Variants in CEP20 observed in about 807,000 individuals in gnomAD.
CEP20 encodes the protein centrosomal protein 20, also known as FGFR1OP N-terminal like.
In CEP20, 18 loss-of-function variants were observed where a neutral mutation model predicts 20.0. The observed-to-expected ratio is 0.90, with a 90% CI of 0.62 to 1.34. The LOEUF (loss-of-function observed/expected upper bound fraction) is 1.34, where lower values mean the gene tolerates loss of function less well. Ranked by LOEUF, CEP20 falls within the 40% of genes most tolerant of loss-of-function variation. CEP20 has a pLI of 0.00. For missense variants in CEP20, 215 were observed against 201.6 expected, an observed-to-expected ratio of 1.07 and a Z score of -0.40; for synonymous variants, 77 against 73.7, an observed-to-expected ratio of 1.04 and a Z score of -0.23.
intron 4 of CEP20, among the ~76,000 whole-genome samples, chr16:15,868,009 T>C (rs80174415): frequency 0.032 from 4,739 of 147,124 alleles, 124 homozygotes; most frequent in Non-Finnish European, 0.044. Context: ...AAATCAGAAA[T>C]GTCTGGCATT....
intron 3 of CEP20, among the ~76,000 whole-genome samples, chr16:15,873,841 C>G (rs1277857867): frequency 6.6e-6 from 1 of 151,960 alleles, no homozygotes; most frequent in Non-Finnish European, 1.5e-5. Flanking sequence ...ATTTTAAAAC[C>G]CAGAGAAAAC....
chr16:15,866,220 C>G lies in CEP20; in HGVS notation c.*1220G>C, dbSNP rs1278343921. On this transcript the variant is annotated 3_prime_UTR_variant, in exon 5 of 5. Coordinates refer to ENST00000255759, the MANE Select transcript of CEP20 (RefSeq NM_144600.4). ...TCTGTAAGAAGTGAACACTGACTAG[C>G]ATTGCCAAACAGAAAATCAAAAGTT... 6.6e-6 allele frequency: 1 copy of G among 152,178 alleles called. No homozygotes were observed. Among genetic ancestry groups the G allele is most frequent in the African/African-American group, 2.4e-5 (1 of 41,448 alleles). The allele number at this position is 152,178 out of a possible 1,614,324, so 9.4% of individuals were successfully genotyped here. A position where few individuals can be genotyped will look rare whatever the true frequency, so the allele number is the denominator to read the frequency against.
In CEP20 at chr16:15,876,075, A is replaced by G. The variant is rs555150708; in HGVS notation, c.312-2448T>C. ...ATCATGTCATTGCACTCAAAAAAAA[A>G]AAAAAAGAGAAAGAAAATATTAATG... On this transcript the variant is annotated intron_variant, in intron 3 of 4. Transcript: ENST00000255759. 3.0e-4 allele frequency among the ~76,000 whole-genome samples: 46 copies of G among 152,044 alleles called. 1 individual carries two copies. The South Asian group carries it at 9.3e-3, about 31-fold the overall frequency.
At chr16:15,878,409 T>C (rs2045008475) in intron 3 of CEP20, among the ~76,000 whole-genome samples, 1 of 152,118 alleles carries the variant, frequency 6.6e-6, no homozygotes, top group Non-Finnish European at 1.5e-5. Context: ...TCCTGGAACA[T>C]TAATTTTACA....
rs1302258480 is a variant in CEP20, at chr16:15,884,096, CAAT to C, written c.135_137del (p.Leu46del). On this transcript the variant is annotated inframe_deletion, in exon 2 of 5. Transcript: ENST00000255759. Reference sequence around the variant, plus strand: ...CATTAATTAGAAGGTTTTCATGAGACAATGATGGTCGGGGTTCACGGTCATCAT... The same window carrying C: ...CATTAATTAGAAGGTTTTCATGAGACGATGGTCGGGGTTCACGGTCATCAT... 1.1e-5 allele frequency: 18 copies of C among 1,613,940 alleles called. No individual in the cohort carries two copies. Among genetic ancestry groups the C allele is most frequent in the Admixed American group, 1.7e-5 (1 of 60,002 alleles).
intron 1 of CEP20, chr16:15,886,075 T>G (rs2045239274): frequency 6.6e-6 from 1 of 152,234 alleles, no homozygotes; most frequent in Non-Finnish European, 1.5e-5. Flanking sequence ...AGAAGGATTA[T>G]AATACATTGC....
chr16:15,874,673 G>A (rs1224176333), intron 3 of CEP20, among the ~76,000 whole-genome samples: 1 of 152,160 alleles, frequency 6.6e-6, no homozygotes. Flanking sequence ...GTATATATTT[G>A]TGGGGAGGAT....
chr16:15,884,143 C>T lies in CEP20; in HGVS notation c.91G>A (p.Glu31Lys). 1 of 1,614,108 alleles carries T rather than the reference C, an allele frequency of 6.2e-7. No homozygotes were observed. The highest frequency in any genetic ancestry group is 8.5e-7 in the Non-Finnish European group (1 of 1,179,970). ...TCATCATCTAGGGCATTGAAAACTT[C>T]AGCTCGGATCCTTGCTTTTAAATGC... ...LGHLKARIRA[E>K]VFNALDDDRE... The change falls in exon 2 of 5, where the codon GAA (glutamate) becomes AAA (lysine). Residue 31 changes from glutamate (E) to lysine (K), a missense_variant. Coordinates refer to ENST00000255759, the MANE Select transcript of CEP20 (RefSeq NM_144600.4).
intron 4 of CEP20, among the ~76,000 whole-genome samples, chr16:15,871,029 A>C (rs1449594817): frequency 6.6e-6 from 1 of 152,002 alleles, no homozygotes; most frequent in Non-Finnish European, 1.5e-5. Context: ...TTGGGAGGCC[A>C]AGGGGGGTGG....
At chr16:15,870,192 C>T (rs62031710) in intron 4 of CEP20, among the ~76,000 whole-genome samples, 16,285 of 150,570 alleles carry the variant, frequency 0.11, 931 homozygotes, top group Middle Eastern at 0.17. Flanking sequence ...AGTCATGAGC[C>T]GTGAGTATTA....
At chr16:15,880,746 T>TAC (rs2045077775) in intron 2 of CEP20, among the ~76,000 whole-genome samples, 1 of 151,886 alleles carries the variant, frequency 6.6e-6, no homozygotes, top group East Asian at 1.9e-4. Flanking sequence ...GATCTGTGTT[T>TAC]ACAGCTGCTG....
intron 2 of CEP20, among the ~76,000 whole-genome samples, chr16:15,882,784 TACACAC>T (rs71388769): frequency 6.7e-6 from 1 of 149,754 alleles, no homozygotes; most frequent in African/African-American, 2.5e-5. Context: ...TCTATCTAGA[TACACAC>T]ACACACACAC....
At chr16:15,869,755 AC>A (rs548561913) in intron 4 of CEP20, among the ~76,000 whole-genome samples, 95 of 152,310 alleles carry the variant, frequency 6.2e-4, no homozygotes, top group African/African-American at 2.3e-3. Context: ...AATAAGAGTT[AC>A]GGAGACAGTA....
At position 15,888,595 on chromosome 16, in the gene CEP20, G is replaced by T; in HGVS notation, c.-10C>A. 6.2e-7 allele frequency: 1 copy of T among 1,613,920 alleles called. No individual in the cohort carries two copies. Among genetic ancestry groups the T allele is most frequent in the Non-Finnish European group, 8.5e-7 (1 of 1,179,926 alleles). ...CTGCCACAGTCGCCATTTTTCAACG[G>T]CCGCCAGGGCCGCACCGCGGCCCTG... On this transcript the variant is annotated 5_prime_UTR_variant, in exon 1 of 5. Transcript: ENST00000255759.
At chr16:15,869,342 G>A (rs1357327062) in intron 4 of CEP20, among the ~76,000 whole-genome samples, 5 of 134,976 alleles carry the variant, frequency 3.7e-5, no homozygotes, top group Admixed American at 8.4e-5. Flanking sequence ...ACAGAGTCTC[G>A]CTCTGTCGCC....
chr16:15,884,238 C>A (rs777080805), intron 1 of CEP20, 33 bp from the exon 2 acceptor site: 1 of 1,563,552 alleles, frequency 6.4e-7, no homozygotes, highest in South Asian at 1.2e-5. Flanking sequence ...GCTTCAGTTA[C>A]AGAGTAAATT....
At chr16:15,879,668 G>A in intron 3 of CEP20, 136 bp downstream of exon 3, 1 of 603,824 alleles carries the variant, frequency 1.7e-6, no homozygotes, top group South Asian at 2.0e-5. Context: ...ATTCACTGCT[G>A]CACACCCTGG....
rs1217771157 is a variant in CEP20 at position 15,875,969 on chromosome 16, G to A, written c.312-2342C>T. ...CAAAATTAGCCGGGTGTGGTGGCATGCTCCTGTAATCCCAGCTACTCAGGA... is the reference window on the plus strand; with the variant it reads ...CAAAATTAGCCGGGTGTGGTGGCATACTCCTGTAATCCCAGCTACTCAGGA... On this transcript the variant is annotated intron_variant, in intron 3 of 4. Coordinates refer to ENST00000255759, the MANE Select transcript of CEP20 (RefSeq NM_144600.4). Among the ~76,000 whole-genome samples, 5 of 151,656 alleles carry A rather than the reference G, an allele frequency of 3.3e-5. No individual in the cohort carries two copies. In the East Asian group the frequency reaches 9.7e-4, roughly 29 times the overall value.
At chr16:15,870,211 G>A (rs57606367) in intron 4 of CEP20, among the ~76,000 whole-genome samples, 10,120 of 152,182 alleles carry the variant, frequency 0.066, 451 homozygotes, top group East Asian at 0.21. Flanking sequence ...TAACAAGGCT[G>A]ATTATGAAAC....
Sources: gnomAD v4.1 joint callset for allele counts (sites outside exome capture counted in the v4.1 genomes callset) on GRCh38, gnomAD v4.1.1 for gene constraint, MANE v1.5 for transcripts, NCBI Gene and HGNC (gene_info 2026-07-23, HGNC 2026-07-21) for gene names.